The following RPS19 variants were observed in gnomAD, a reference collection of about 807,000 sequenced individuals.
RPS19 encodes the protein ribosomal protein S19.
In RPS19, 1 loss-of-function variant was observed where a neutral mutation model predicts 20.3. That is an observed-to-expected ratio of 0.05 (90% CI 0.02 to 0.23). The LOEUF is 0.23. RPS19 is among the 10% of genes least tolerant of loss of function. RPS19 has a pLI of 1.00. For missense variants in RPS19, 111 were observed against 192.7 expected (o/e 0.58, Z 2.51); for synonymous variants, 87 against 74.8 (o/e 1.16, Z -0.84).
Position 41,869,283 on chromosome 19 carries a change from T to C in RPS19, c.356+69T>C, listed in dbSNP as rs80121574. 3,369 of 1,401,918 alleles carry C rather than the reference T, an allele frequency of 2.4e-3. 5 individuals carry two copies. Among genetic ancestry groups the C allele is most frequent in the Admixed American group, 4.3e-3 (229 of 52,958 alleles). 86.8% of individuals were successfully genotyped at this position (1,401,918 alleles called of 1,614,324 possible). A position where few individuals can be genotyped will look rare whatever the true frequency, so the allele number is the denominator to read the frequency against. On this transcript the variant is annotated intron_variant, in intron 4 of 5. Coordinates refer to ENST00000598742, the MANE Select transcript of RPS19 (RefSeq NM_001022.4). ...GCCCGGTCATCAATTCCCCAACGAA[T>C]GGTCCTGCATAGTCTGCCCAGCCCC...
intron 2 of RPS19, 62 bp downstream of exon 2, chr19:41,860,907 GC>G: frequency 1.4e-6 from 2 of 1,450,392 alleles, no homozygotes; most frequent in African/African-American, 2.9e-5. Flanking sequence ...GCCCATCTGA[GC>G]CCCAGTGTTT....
chr19:41,867,856 A>G (rs2074106292), intron 3 of RPS19, among the ~76,000 whole-genome samples: 1 of 152,156 alleles, frequency 6.6e-6, no homozygotes, highest in African/African-American at 2.4e-5. Flanking sequence ...TAATTGTTAC[A>G]CTGTTTTGAA....
At chr19:41,866,765 C>T (rs1555840802) in intron 3 of RPS19, among the ~76,000 whole-genome samples, 1 of 152,088 alleles carries the variant, frequency 6.6e-6, no homozygotes, top group African/African-American at 2.4e-5. Flanking sequence ...CCCTGTAATC[C>T]CAGCACTTTG....
intron 3 of RPS19, among the ~76,000 whole-genome samples, chr19:41,866,054 C>T (rs1244487051): frequency 6.6e-6 from 1 of 151,464 alleles, no homozygotes; most frequent in African/African-American, 2.4e-5. Context: ...GAGTTTGAGA[C>T]CAGCCTGGCC....
At position 41,872,186 on chromosome 19, in the gene RPS19, C is replaced by G. The variant is rs1225107343; in HGVS notation, c.*809C>G. 1.3e-5 allele frequency: 2 copies of G among 152,290 alleles called. No homozygotes were observed. Among genetic ancestry groups the G allele is most frequent in the Non-Finnish European group, 2.9e-5 (2 of 68,070 alleles). 9.4% of individuals were successfully genotyped at this position (152,290 alleles called of 1,614,324 possible). A position where few individuals can be genotyped will look rare whatever the true frequency, so the allele number is the denominator to read the frequency against. On this transcript the variant is annotated 3_prime_UTR_variant, in exon 6 of 6. Coordinates refer to ENST00000598742, the MANE Select transcript of RPS19 (RefSeq NM_001022.4). ...TGTGGCCTCCGCCCATGATTGGGCA[C>G]CTGGTCAGGCTGGGAGATCCAAATA...
rs1450304500 is a variant in RPS19, at chr19:41,871,556, A to G, written c.*179A>G. 4.9e-5 allele frequency: 31 copies of G among 637,450 alleles called. No homozygotes were observed. The highest frequency in any genetic ancestry group is 3.4e-5 in the Non-Finnish European group (12 of 354,020). The allele number at this position is 637,450 out of a possible 1,614,324, so 39.5% of individuals were successfully genotyped here. A position where few individuals can be genotyped will look rare whatever the true frequency, so the allele number is the denominator to read the frequency against. On this transcript the variant is annotated 3_prime_UTR_variant, in exon 6 of 6. Coordinates refer to ENST00000598742, the MANE Select transcript of RPS19 (RefSeq NM_001022.4). ...CTCAGCCTCCCAAAGTGCTGGGATT[A>G]CAAGTGTGAGCCACTGTGCCTGGTC...
At chr19:41,860,444 C>A in intron 1 of RPS19, 155 bp downstream of exon 1, 1 of 349,250 alleles carries the variant, frequency 2.9e-6, no homozygotes, top group Non-Finnish European at 5.4e-6. Flanking sequence ...CGGACATGCC[C>A]GGTCAGCGCC....
chr19:41,861,854 G>T (rs1555839349), intron 3 of RPS19, among the ~76,000 whole-genome samples: 1 of 152,096 alleles, frequency 6.6e-6, no homozygotes, highest in African/African-American at 2.4e-5. Context: ...CTGCAACCTC[G>T]TGCCAGCCCC....
At position 41,871,533 on chromosome 19, in the gene RPS19, C is replaced by T; in HGVS notation, c.*156C>T. On this transcript the variant is annotated 3_prime_UTR_variant, in exon 6 of 6. Coordinates refer to ENST00000598742, the MANE Select transcript of RPS19 (RefSeq NM_001022.4). ...CTGGGTTCAAATGATTCTCCTGCCT[C>T]AGCCTCCCAAAGTGCTGGGATTACA... 2 of 695,126 alleles carry T rather than the reference C, an allele frequency of 2.9e-6. No homozygotes were observed. The highest frequency in any genetic ancestry group is 5.1e-6 in the Non-Finnish European group (2 of 389,128). 43.1% of individuals were successfully genotyped at this position (695,126 alleles called of 1,614,324 possible).
At chr19:41,861,258 C>A in intron 3 of RPS19, 46 bp downstream of exon 3, 1 of 1,400,946 alleles carries the variant, frequency 7.1e-7, no homozygotes, top group Non-Finnish European at 1.0e-6. Flanking sequence ...GCTGGGTGAC[C>A]CCTGGCACAA....
intron 5 of RPS19, among the ~76,000 whole-genome samples, chr19:41,870,354 T>TTTCCCCTTAGTCCTCATGC (rs1454321580): frequency 6.6e-6 from 1 of 152,134 alleles, no homozygotes; most frequent in Non-Finnish European, 1.5e-5. Flanking sequence ...GCCTGCGATG[T>TTTCCCCTTAGTCCTCATGC]TTCCCCTTAG....
chr19:41,865,779 T>A (rs567746580), intron 3 of RPS19, among the ~76,000 whole-genome samples: 1 of 149,030 alleles, frequency 6.7e-6, no homozygotes, highest in Non-Finnish European at 1.5e-5. Flanking sequence ...AAACCCCATG[T>A]CTACTAAAAA....
intron 5 of RPS19, among the ~76,000 whole-genome samples, chr19:41,870,817 C>T (rs1054962613): frequency 2.4e-5 from 3 of 122,964 alleles, no homozygotes; most frequent in African/African-American, 9.1e-5. Context: ...TGGCAGTGGG[C>T]GGAATTTGGA....
intron 2 of RPS19, 90 bp downstream of exon 2, chr19:41,860,935 C>A: frequency 7.7e-7 from 1 of 1,303,780 alleles, no homozygotes; most frequent in South Asian, 1.2e-5. Flanking sequence ...CCCTGGCAGG[C>A]GAGGCTTGTT....
At chr19:41,866,252 C>CAA (rs113269472) in intron 3 of RPS19, among the ~76,000 whole-genome samples, 13 of 147,982 alleles carry the variant, frequency 8.8e-5, no homozygotes, top group African/African-American at 2.7e-4. Context: ...GACTCCGTCT[C>CAA]AAAAAAAAAA....
chr19:41,860,685 G>T (rs1182741707), intron 1 of RPS19, 90 bp from the exon 2 acceptor site: 62 of 980,014 alleles, frequency 6.3e-5, no homozygotes, highest in Non-Finnish European at 8.6e-5. Flanking sequence ...GGTTTAGGAT[G>T]CGCTGGAGCG....
rs782407093 is a variant in RPS19 at position 41,871,579 on chromosome 19, G to A, written c.*202G>A. ...TTACAAGTGTGAGCCACTGTGCCTG[G>A]TCTGGTTTGGGTCTCTTGATTGTTC... On this transcript the variant is annotated 3_prime_UTR_variant, in exon 6 of 6. Coordinates refer to ENST00000598742, the MANE Select transcript of RPS19 (RefSeq NM_001022.4). 4 of 582,074 alleles carry A rather than the reference G, an allele frequency of 6.9e-6. No individual in the cohort carries two copies. Among genetic ancestry groups the A allele is most frequent in the Non-Finnish European group, 1.2e-5 (4 of 323,974 alleles). 36.1% of individuals were successfully genotyped at this position (582,074 alleles called of 1,614,324 possible).
intron 4 of RPS19, among the ~76,000 whole-genome samples, chr19:41,869,438 C>T (rs557500759): frequency 6.6e-6 from 1 of 152,344 alleles, no homozygotes; most frequent in Non-Finnish European, 1.5e-5. Flanking sequence ...TATCTGCTTT[C>T]ATTAGCCTGC....
At chr19:41,870,506 G>A (rs1555841745) in intron 5 of RPS19, among the ~76,000 whole-genome samples, 1 of 152,146 alleles carries the variant, frequency 6.6e-6, no homozygotes, top group African/African-American at 2.4e-5. Context: ...TGGTGCCACA[G>A]TCTCCTGTCT....
Sources: gnomAD v4.1 joint callset for allele counts (sites outside exome capture counted in the v4.1 genomes callset) on GRCh38, gnomAD v4.1.1 for gene constraint, MANE v1.5 for transcripts, NCBI Gene and HGNC (gene_info 2026-07-23, HGNC 2026-07-21) for gene names.